The following CELF2 variants were observed in gnomAD, a reference collection of about 807,000 sequenced individuals.
CELF2 encodes CUG triplet repeat RNA-binding protein 2.
CELF2 carries 8 observed loss-of-function variants against 62.6 expected under a neutral mutation model. The observed-to-expected ratio is 0.13, with a 90% CI of 0.07 to 0.23. The LOEUF is 0.23. Among genes scored for constraint, CELF2 ranks in the 10% least tolerant of loss-of-function variants. The pLI, the probability that CELF2 is intolerant of heterozygous loss-of-function variation, is 1.00. For synonymous variants in CELF2, 258 were observed against 250.0 expected (o/e 1.03, Z -0.30); for missense variants, 333 against 671.0 (o/e 0.50, Z 5.56).
chr10:11,009,362 T>C (rs571900581), intron 1 of CELF2, among the ~76,000 whole-genome samples: 2 of 152,058 alleles, frequency 1.3e-5, no homozygotes, highest in East Asian at 1.9e-4. Flanking sequence ...TGTGTGTGTG[T>C]GCGTGCGCGC....
chr10:10,882,048 G>A (rs1006611681), intron 1 of CELF2, among the ~76,000 whole-genome samples: 13 of 152,288 alleles, frequency 8.5e-5, no homozygotes, highest in African/African-American at 1.9e-4. Context: ...CAAAGCCAGC[G>A]GATTGCTATC....
rs572722087 is a variant in CELF2 at position 11,315,460 on chromosome 10, G to A, written c.1096+1202G>A. ...CAGTAATTTCATACTGTAAAGGCTCGGAATACCTTGCACTGGACTTGGTAG... is the reference window on the plus strand; with the variant it reads ...CAGTAATTTCATACTGTAAAGGCTCAGAATACCTTGCACTGGACTTGGTAG... On this transcript the variant is annotated intron_variant, in intron 10 of 12. Transcript: ENST00000633077. This position sits in a 1 kb window ranked among gnomAD's most constrained non-coding sequence, Gnocchi z 5.8. 2.0e-5 allele frequency among the ~76,000 whole-genome samples: 3 copies of A among 152,058 alleles called. No homozygotes were observed. The highest frequency in any genetic ancestry group is 2.1e-4 in the South Asian group (1 of 4,832).
At chr10:10,688,962 C>T in the CELF2 span, among the ~76,000 whole-genome samples, 1 of 152,036 alleles carries the variant, frequency 6.6e-6, no homozygotes, top group Non-Finnish European at 1.5e-5. Flanking sequence ...CATGCTCACA[C>T]CACTGCACCC....
chr10:10,544,161 T>A, the CELF2 span, among the ~76,000 whole-genome samples: 1 of 152,186 alleles, frequency 6.6e-6, no homozygotes, highest in Non-Finnish European at 1.5e-5. Flanking sequence ...TGGAATCTAA[T>A]GTAAAATGAA....
At chr10:10,475,254 G>A in the CELF2 span, among the ~76,000 whole-genome samples, 1 of 151,938 alleles carries the variant, frequency 6.6e-6, no homozygotes, top group Non-Finnish European at 1.5e-5. Flanking sequence ...GCAGATAGAT[G>A]GAAAGAGATG....
chr10:10,468,617 G>A, the CELF2 span, among the ~76,000 whole-genome samples: 1 of 151,972 alleles, frequency 6.6e-6, no homozygotes, highest in Non-Finnish European at 1.5e-5. Context: ...TGTCTATGGT[G>A]TTGGTTATTG....
the CELF2 span, among the ~76,000 whole-genome samples, chr10:10,651,179 G>A: frequency 1.5e-3 from 181 of 121,856 alleles, 23 homozygotes; most frequent in African/African-American, 5.1e-3. Context: ...AAAAAACGGC[G>A]CACCACGAGA....
At chr10:10,502,304 G>C in the CELF2 span, among the ~76,000 whole-genome samples, 1 of 151,972 alleles carries the variant, frequency 6.6e-6, no homozygotes, top group South Asian at 2.1e-4. Context: ...CTCCTGTTCT[G>C]CTTTTTGGAA....
chr10:10,662,219 A>G, the CELF2 span, among the ~76,000 whole-genome samples: 1 of 152,206 alleles, frequency 6.6e-6, no homozygotes, highest in Non-Finnish European at 1.5e-5. Flanking sequence ...ATCACAATTT[A>G]CCTGCATATG....
intron 10 of CELF2, among the ~76,000 whole-genome samples, chr10:11,320,471 C>G (rs1483744138): frequency 6.6e-6 from 1 of 152,236 alleles, no homozygotes; most frequent in Non-Finnish European, 1.5e-5. Flanking sequence ...AACTGCACCA[C>G]TTTGATACCG....
chr10:10,520,119 C>A, the CELF2 span, among the ~76,000 whole-genome samples: 5 of 152,190 alleles, frequency 3.3e-5, no homozygotes, highest in South Asian at 4.1e-4. Context: ...AGAATAAAAC[C>A]TGCTTTGCAT....
intron 1 of CELF2, among the ~76,000 whole-genome samples, chr10:10,850,303 C>T (rs1450293664): frequency 6.6e-6 from 1 of 152,200 alleles, no homozygotes; most frequent in African/African-American, 2.4e-5. Context: ...AGGATTTTCT[C>T]CAGTAAGAAG....
At chr10:11,108,375 A>G (rs2054228933) in intron 1 of CELF2, among the ~76,000 whole-genome samples, 1 of 149,094 alleles carries the variant, frequency 6.7e-6, no homozygotes, top group African/African-American at 2.5e-5. Flanking sequence ...TTCAGCCTGT[A>G]CTGTCTTCAG....
At chr10:11,327,471 T>G (rs2095811985) in intron 12 of CELF2, among the ~76,000 whole-genome samples, 1 of 152,196 alleles carries the variant, frequency 6.6e-6, no homozygotes. Context: ...GGTTTCCATT[T>G]TTGTGGAACG....
chr10:11,203,235 AGT>A (rs964723006), intron 2 of CELF2, among the ~76,000 whole-genome samples: 1 of 152,154 alleles, frequency 6.6e-6, no homozygotes, highest in Admixed American at 6.5e-5. Flanking sequence ...GCTGCTAATC[AGT>A]GTGTGGTGTG....
chr10:11,307,881 C>G (rs2094341378), intron 9 of CELF2, among the ~76,000 whole-genome samples: 1 of 152,194 alleles, frequency 6.6e-6, no homozygotes, highest in Non-Finnish European at 1.5e-5. Flanking sequence ...GATCCTTCCC[C>G]TGCTCACCAC....
intron 1 of CELF2, among the ~76,000 whole-genome samples, chr10:11,033,732 C>T (rs1593592636): frequency 6.6e-6 from 1 of 152,196 alleles, no homozygotes; most frequent in Non-Finnish European, 1.5e-5. Flanking sequence ...TTGTGAGCCC[C>T]TACAGTGGCA....
chr10:11,197,058 A>AAAGAAAGAAAGAAAGAAAG lies in CELF2; in HGVS notation c.272-20365_272-20364insGAAAGAAAGAAAGAAAGAA, dbSNP rs1250421470. 1.3e-3 allele frequency among the ~76,000 whole-genome samples: 93 copies of AAAGAAAGAAAGAAAGAAAG among 71,944 alleles called. 12 individuals are homozygous for AAAGAAAGAAAGAAAGAAAG. Among genetic ancestry groups the AAAGAAAGAAAGAAAGAAAG allele is most frequent in the African/African-American group, 4.9e-3 (84 of 17,318 alleles). The allele number at this position is 71,944 out of a possible 152,430, so 47.2% of individuals were successfully genotyped here. Reference sequence around the variant, plus strand: ...GAAAGAAAGAAAGAAAGAAAGAAAGAAAAGAAAGAAAGGAAAGAAAGAAAG... The same window carrying AAAGAAAGAAAGAAAGAAAG: ...GAAAGAAAGAAAGAAAGAAAGAAAGAAAGAAAGAAAGAAAGAAAGAAAGAAAGAAAGGAAAGAAAGAAAG... On this transcript the variant is annotated intron_variant, in intron 2 of 12. Coordinates refer to ENST00000633077, the MANE Select transcript of CELF2 (RefSeq NM_001326342.2).
At chr10:10,769,334 C>T in the CELF2 span, among the ~76,000 whole-genome samples, 1 of 152,146 alleles carries the variant, frequency 6.6e-6, no homozygotes, top group Non-Finnish European at 1.5e-5. Context: ...GAGAGAATCA[C>T]CTGATCAAGG....
Sources: gnomAD v4.1 joint callset for allele counts (sites outside exome capture counted in the v4.1 genomes callset) on GRCh38, gnomAD v4.1.1 for gene constraint, Gnocchi (gnomAD v3.1) non-coding constraint, MANE v1.5 for transcripts, NCBI Gene and HGNC (gene_info 2026-07-23, HGNC 2026-07-21) for gene names.